RBM6: variants seen among roughly 807,000 people sequenced by gnomAD.
The protein encoded by RBM6 is RNA binding motif protein 6.
Under a neutral mutation model 140.4 loss-of-function variants are expected in RBM6, and 23 were observed. The ratio of observed to expected loss-of-function variants is 0.16; its 90% CI spans 0.12 to 0.23. RBM6 has a LOEUF of 0.23. Among genes scored for constraint, RBM6 ranks in the 10% least tolerant of loss-of-function variants. RBM6 has a pLI of 1.00. For synonymous variants in RBM6, 439 were observed against 475.6 expected (o/e 0.92, Z 1.00); for missense variants, 1,139 against 1,386.7 (o/e 0.82, Z 2.84).
At chr3:50,054,133 T>TA (rs1377888855) in intron 7 of RBM6, 1 of 514,826 alleles carries the variant, frequency 1.9e-6, no homozygotes, top group Admixed American at 3.4e-5. Context: ...GATGCCTTGT[T>TA]ATAAGGTAGC....
At chr3:49,970,084 T>A in intron 3 of RBM6, among the ~76,000 whole-genome samples, 1 of 152,002 alleles carries the variant, frequency 6.6e-6, no homozygotes, top group East Asian at 1.9e-4. Context: ...GGGACTGTAG[T>A]TGTGCACCAC....
At chr3:50,058,748 A>C (rs2089817379) in intron 10 of RBM6, 186 bp downstream of exon 10, 1 of 444,874 alleles carries the variant, frequency 2.2e-6, no homozygotes, top group South Asian at 3.6e-5. Flanking sequence ...CCCTGTCTCT[A>C]CTAAAAAATA....
At chr3:49,940,505 G>A (rs901921755) in intron 1 of RBM6, 1 of 155,140 alleles carries the variant, frequency 6.4e-6, no homozygotes. Flanking sequence ...TGTGAGGCTG[G>A]GGCCGGCGCG....
At chr3:50,018,868 C>T (rs986111649) in intron 6 of RBM6, among the ~76,000 whole-genome samples, 1 of 151,836 alleles carries the variant, frequency 6.6e-6, no homozygotes, top group African/African-American at 2.4e-5. Flanking sequence ...GGATTACAGG[C>T]GTAAGCCACT....
rs1231572100 is a variant in RBM6, at chr3:50,065,631, A to C, written c.2682+505A>C. On this transcript the variant is annotated intron_variant, in intron 16 of 20. Transcript: ENST00000266022. ...ATCACCAGTGATTCTGATTGAATGC[A>C]GGTATATAACAATAGTGACCATGCA... 3 of 456,954 alleles carry C rather than the reference A, an allele frequency of 6.6e-6. No individual in the cohort carries two copies. The East Asian group carries it at 2.1e-4, about 32-fold the overall frequency. The allele number at this position is 456,954 out of a possible 1,614,324, so 28.3% of individuals were successfully genotyped here. A position where few individuals can be genotyped will look rare whatever the true frequency, so the allele number is the denominator to read the frequency against.
chr3:49,947,081 CAAAA>C (rs1186088231), intron 1 of RBM6, among the ~76,000 whole-genome samples: 134 of 105,988 alleles, frequency 1.3e-3, no homozygotes, highest in African/African-American at 2.8e-3. Context: ...ACTAAAAATA[CAAAA>C]AAAAAAAAAA....
At chr3:50,076,926 C>G (rs1199856838) in intron 20 of RBM6, 82 bp from the exon 21 acceptor site, 1 of 1,412,844 alleles carries the variant, frequency 7.1e-7, no homozygotes, top group East Asian at 2.6e-5. Flanking sequence ...TCTTACTAGT[C>G]CAGAAATGCC....
rs34463596 is a variant in RBM6, at chr3:49,944,474, CT to C, written c.-67+4267del. 7.0e-3 allele frequency among the ~76,000 whole-genome samples: 929 copies of C among 132,242 alleles called. 5 individuals are homozygous for C. Among genetic ancestry groups the C allele is most frequent in the African/African-American group, 0.015 (536 of 35,256 alleles). The allele number at this position is 132,242 out of a possible 152,430, so 86.8% of individuals were successfully genotyped here. On this transcript the variant is annotated intron_variant, in intron 1 of 20. Transcript: ENST00000266022. ...GCTATGAATATCAGTGTACAAATAT[CT>C]TTTTTTTTTTTTTTTTTGTGAGACA...
chr3:49,967,944 T>G lies in RBM6; in HGVS notation c.519T>G (p.Ser173=). ...VDFRGRDAPP[S]DFRGRGTYDL... ...TCAGAGGTAGGGATGCTCCTCCATC[T>G]GACTTCAGGGGCCGGGGCACTTATG... Residue 173 remains serine (S), a synonymous_variant, in exon 3 of 21, where the codon TCT becomes TCG. Transcript: ENST00000266022. The surrounding 1 kb of genome is among the most constrained non-coding windows in gnomAD (Gnocchi z 4.0). The G allele has an allele frequency of 1.9e-6, 3 of 1,614,178 alleles. No individual in the cohort carries two copies. Among genetic ancestry groups the G allele is most frequent in the Non-Finnish European group, 2.5e-6 (3 of 1,180,016 alleles).
At chr3:49,962,435 AAAAAAAAAG>A in intron 1 of RBM6, 132 bp from the exon 2 acceptor site, 1 of 546,184 alleles carries the variant, frequency 1.8e-6, no homozygotes, top group Non-Finnish European at 3.2e-6. Context: ...CCATCTCAAA[AAAAAAAAAG>A]AAAAGAAAGA....
rs768434505 is a variant in RBM6 at position 49,968,100 on chromosome 3, T to C, written c.675T>C (p.Phe225=). The C allele has an allele frequency of 1.2e-5, 19 of 1,614,052 alleles. No homozygotes were observed. In the Middle Eastern group the frequency reaches 4.9e-4, roughly 42 times the overall value. The stretch of plus-strand genomic sequence containing the variant: ...ATAGAGATGTATCTGATTTGGACTT[T>C]AGAGACAAAGACGGAACACAAGTAG... The part of the protein sequence containing the change: ...FRNRDVSDLD[F]RDKDGTQVDF... The change falls in exon 3 of 21, where the codon TTT becomes TTC. Residue 225 remains phenylalanine (F), a synonymous_variant. Transcript: ENST00000266022.
rs1436574812 is a variant in RBM6 at position 50,075,304 on chromosome 3, C to T, written c.3220C>T (p.His1074Tyr). The change falls in exon 20 of 21, where the codon CAT becomes TAT. Residue 1074 changes from histidine (H) to tyrosine (Y), a missense_variant. By Grantham distance (83) the His-to-Tyr change is moderately conservative. Around this residue, in one of 9 missense-constraint regions of RBM6, gnomAD observed 125 missense variants for 142.0 expected, o/e 0.88. Transcript: ENST00000266022. ...WRKGTGLGYG[H>Y]PGLASSEEAE... ...GAAAGGGACAGGCCTGGGATATGGC[C>T]ATCCTGGATTGGCTTCATCAGAGGA... The T allele has an allele frequency of 6.2e-7, 1 of 1,613,768 alleles. No individual in the cohort carries two copies. The highest frequency in any genetic ancestry group is 8.5e-7 in the Non-Finnish European group (1 of 1,179,902).
chr3:49,942,589 TCAAA>T (rs1433520188), intron 1 of RBM6, among the ~76,000 whole-genome samples: 1 of 148,906 alleles, frequency 6.7e-6, no homozygotes, highest in East Asian at 2.1e-4. Context: ...CTTTAGTATC[TCAAA>T]CAGAAACTCT....
rs34707170 is a variant in RBM6 at position 50,059,680 on chromosome 3, A to G, written c.2162A>G (p.Asn721Ser). The G allele has an allele frequency of 2.4e-3, 3,814 of 1,613,592 alleles. 10 individuals carry two copies. Among genetic ancestry groups the G allele is most frequent in the Admixed American group, 0.012 (721 of 59,924 alleles). Residue 721 changes from asparagine to serine, a missense_variant, in exon 11 of 21, where the codon AAC (asparagine) becomes AGC (serine). Physicochemically the swap from Asn to Ser is conservative, Grantham distance 46. This residue lies in a region of RBM6 where 47 missense variants were observed against 117.6 expected (regional missense o/e 0.40). Transcript: ENST00000266022. ...CTTCGTGTGGTGAAGATCTTACAGA[A>G]CCTTGATCCGCCATTTAGCATTGAT... ...EALRVVKILQ[N>S]LDPPFSIDGK...
At chr3:49,952,505 T>G (rs1405031260) in intron 1 of RBM6, among the ~76,000 whole-genome samples, 5 of 150,586 alleles carry the variant, frequency 3.3e-5, no homozygotes, top group Non-Finnish European at 7.4e-5. Context: ...ATCCTTTGTT[T>G]TTTTTTTTTT....
chr3:49,976,419 C>T (rs1332798955), intron 5 of RBM6, among the ~76,000 whole-genome samples: 1 of 152,158 alleles, frequency 6.6e-6, no homozygotes, highest in East Asian at 1.9e-4. Flanking sequence ...AGTATTATTT[C>T]TCAGAGAGCC....
intron 6 of RBM6, among the ~76,000 whole-genome samples, chr3:50,015,378 T>G (rs1215049378): frequency 1.3e-5 from 2 of 150,940 alleles, no homozygotes; most frequent in Admixed American, 1.3e-4. Flanking sequence ...AGTGCTGGGA[T>G]TACAAGCATG....
intron 1 of RBM6, among the ~76,000 whole-genome samples, chr3:49,942,722 G>A (rs759918614): frequency 1.3e-5 from 2 of 151,852 alleles, no homozygotes; most frequent in African/African-American, 2.4e-5. Flanking sequence ...GTGAAACCCC[G>A]TATCTACTAA....
chr3:50,041,611 G>A (rs546206709), intron 6 of RBM6, among the ~76,000 whole-genome samples: 3 of 152,240 alleles, frequency 2.0e-5, no homozygotes, highest in African/African-American at 7.2e-5. Flanking sequence ...TTTCTTCCCC[G>A]GGCTTTGCTC....
Sources: allele counts gnomAD v4.1 joint callset (sites outside exome capture counted in the v4.1 genomes callset), GRCh38; gene constraint gnomAD v4.1.1; regional missense constraint gnomAD v4.1.1; non-coding constraint Gnocchi (gnomAD v3.1); transcripts MANE v1.5; gene names NCBI Gene and HGNC (gene_info 2026-07-23, HGNC 2026-07-21).